DLC1: variants seen among roughly 807,000 people sequenced by gnomAD.
DLC1 encodes rho GTPase-activating protein 7.
Under a neutral mutation model 140.3 loss-of-function variants are expected in DLC1, and 54 were observed. The ratio of observed to expected loss-of-function variants is 0.38; its 90% confidence interval spans 0.31 to 0.48. The LOEUF (loss-of-function observed/expected upper bound fraction) is 0.48. DLC1 is among the 20% of genes least tolerant of loss of function. The probability of loss-of-function intolerance (pLI) is 0.96; values close to 1 mark genes in which losing one functional copy is unlikely to be tolerated. For synonymous variants in DLC1, 986 were observed against 728.1 expected, an observed-to-expected ratio of 1.35 and a Z score of -5.70; for missense variants, 2,536 against 1,907.0, an observed-to-expected ratio of 1.33 and a Z score of -6.14.
At chr8:13,158,510 G>T (rs1824422491) in intron 5 of DLC1, among the ~76,000 whole-genome samples, 1 of 152,166 alleles carries the variant, frequency 6.6e-6, no homozygotes, top group African/African-American at 2.4e-5. Flanking sequence ...TTCTGAGACA[G>T]GTAAGAGAAG....
intron 5 of DLC1, among the ~76,000 whole-genome samples, chr8:13,140,324 C>G (rs1822886961): frequency 6.6e-6 from 1 of 152,166 alleles, no homozygotes; most frequent in Non-Finnish European, 1.5e-5. Flanking sequence ...CCTCAAACTC[C>G]TGGGCTCAAG....
intron 5 of DLC1, among the ~76,000 whole-genome samples, chr8:13,235,371 A>G (rs991714973): frequency 6.6e-6 from 1 of 152,074 alleles, no homozygotes; most frequent in Non-Finnish European, 1.5e-5. Flanking sequence ...CAGGAAATAC[A>G]AGGAAAATGT....
chr8:13,092,851 T>A (rs1183142987), intron 12 of DLC1, 26 bp from the exon 13 acceptor site: 8 of 1,600,882 alleles, frequency 5.0e-6, no homozygotes, highest in Non-Finnish European at 6.8e-6. Flanking sequence ...ACTTTCTCCA[T>A]CAGCTTGGTG....
chr8:13,119,884 C>G (rs978375442), intron 5 of DLC1, among the ~76,000 whole-genome samples: 1 of 150,482 alleles, frequency 6.6e-6, no homozygotes, highest in Admixed American at 6.6e-5. Flanking sequence ...GACTTCAAGA[C>G]CAGCCTGGGC....
intron 5 of DLC1, among the ~76,000 whole-genome samples, chr8:13,250,247 C>T (rs1478987965): frequency 6.6e-6 from 1 of 152,212 alleles, no homozygotes; most frequent in East Asian, 1.9e-4. Flanking sequence ...TTTTAACCAA[C>T]ATACTGCTGC....
chr8:13,347,130 C>T (rs979248029), intron 4 of DLC1, among the ~76,000 whole-genome samples: 1 of 152,204 alleles, frequency 6.6e-6, no homozygotes, highest in Non-Finnish European at 1.5e-5. Context: ...TCCGTAGTTT[C>T]AGGCACCCAC....
intron 1 of DLC1, among the ~76,000 whole-genome samples, chr8:13,561,153 C>G (rs1240090882): frequency 6.8e-6 from 1 of 147,880 alleles, no homozygotes; most frequent in Non-Finnish European, 1.5e-5. Flanking sequence ...AAATATTGCT[C>G]TGTCTGTCAA....
chr8:13,260,147 C>G (rs1003459296), intron 5 of DLC1, among the ~76,000 whole-genome samples: 2 of 152,116 alleles, frequency 1.3e-5, no homozygotes, highest in Admixed American at 6.5e-5. Flanking sequence ...AGAAAATCTT[C>G]CCAAGCAGGT....
chr8:13,334,221 C>G (rs1161120824), intron 4 of DLC1, among the ~76,000 whole-genome samples: 2 of 151,878 alleles, frequency 1.3e-5, no homozygotes, highest in Non-Finnish European at 2.9e-5. Flanking sequence ...AGGAGAGAAG[C>G]AGGGGGGAGT....
chr8:13,508,479 G>A (rs1219275391), intron 1 of DLC1, among the ~76,000 whole-genome samples: 2 of 151,134 alleles, frequency 1.3e-5, no homozygotes, highest in Non-Finnish European at 2.9e-5. Context: ...GTGCAGTGGC[G>A]CGATCTGGGC....
chr8:13,263,946 A>G (rs1234086981), intron 5 of DLC1, among the ~76,000 whole-genome samples: 1 of 152,006 alleles, frequency 6.6e-6, no homozygotes, highest in Non-Finnish European at 1.5e-5. Context: ...ATAACAGCAA[A>G]TACTTATGTA....
rs555279508 is a variant in DLC1 at position 13,338,397 on chromosome 8, T to A, written c.1315-33095A>T. ...TGAGCTCAAATCCTGAAGTTAAGAGTTGCTGCATTGGGCCCTTGCTTGATT... is the reference window on the plus strand; with the variant it reads ...TGAGCTCAAATCCTGAAGTTAAGAGATGCTGCATTGGGCCCTTGCTTGATT... On this transcript the variant is annotated intron_variant, in intron 4 of 17. Coordinates refer to ENST00000276297, the MANE Select transcript of DLC1 (RefSeq NM_182643.3). 4.7e-4 allele frequency among the ~76,000 whole-genome samples: 71 copies of A among 152,166 alleles called. 1 individual carries two copies. The South Asian group carries it at 0.014, about 30-fold the overall frequency.
chr8:13,361,584 A>T (rs1441045247), intron 4 of DLC1, among the ~76,000 whole-genome samples: 3 of 152,094 alleles, frequency 2.0e-5, no homozygotes, highest in African/African-American at 7.2e-5. Flanking sequence ...GGTATTTTCA[A>T]TGTTACTTAA....
At chr8:13,409,438 C>T (rs188296039) in intron 2 of DLC1, among the ~76,000 whole-genome samples, 142 of 151,994 alleles carry the variant, frequency 9.3e-4, no homozygotes, top group African/African-American at 2.9e-3. Flanking sequence ...GCAAATAAAA[C>T]GATAGGATGT....
chr8:13,373,457 T>C (rs186956841), intron 4 of DLC1, among the ~76,000 whole-genome samples: 6 of 152,332 alleles, frequency 3.9e-5, no homozygotes, highest in South Asian at 2.1e-4. Context: ...CCTCATCTTG[T>C]TAGTTAAACC....
chr8:13,509,948 CACTT>C (rs1802278627), intron 1 of DLC1, among the ~76,000 whole-genome samples: 1 of 151,966 alleles, frequency 6.6e-6, no homozygotes, highest in Non-Finnish European at 1.5e-5. Flanking sequence ...ATATGTAAAA[CACTT>C]AGTCCATGGC....
intron 2 of DLC1, among the ~76,000 whole-genome samples, chr8:13,413,177 C>A (rs1035529323): frequency 1.3e-5 from 2 of 151,364 alleles, no homozygotes; most frequent in African/African-American, 4.9e-5. Flanking sequence ...GCTTTTCCAA[C>A]CCGCAGCCCA....
Position 13,084,744 on chromosome 8 carries a change from G to A in DLC1, c.*1067C>T, listed in dbSNP as rs895000222. ...TTCAGGAATGCCGTTAACAACCAAA[G>A]GCGGGGAAAAAGCCTTTTGTAGGTG... On this transcript the variant is annotated 3_prime_UTR_variant, in exon 18 of 18. Transcript: ENST00000276297. 1.3e-5 allele frequency: 2 copies of A among 152,138 alleles called. No individual in the cohort carries two copies. Among genetic ancestry groups the A allele is most frequent in the Non-Finnish European group, 2.9e-5 (2 of 68,032 alleles). The allele number at this position is 152,138 out of a possible 1,614,324, so 9.4% of individuals were successfully genotyped here.
intron 1 of DLC1, among the ~76,000 whole-genome samples, chr8:13,550,963 A>G (rs1415778439): frequency 6.6e-6 from 1 of 151,940 alleles, no homozygotes; most frequent in Non-Finnish European, 1.5e-5. Flanking sequence ...TTCTCTTGCA[A>G]GAATTCTCAG....
Sources: gnomAD v4.1 joint callset for allele counts (sites outside exome capture counted in the v4.1 genomes callset) on GRCh38, gnomAD v4.1.1 for gene constraint, MANE v1.5 for transcripts, NCBI Gene and HGNC (gene_info 2026-07-23, HGNC 2026-07-21) for gene names.